The following IL23R variants were observed in gnomAD, a reference collection of about 807,000 sequenced individuals.
The protein encoded by IL23R is interleukin 23 receptor.
Under a neutral mutation model 56.9 loss-of-function variants are expected in IL23R, and 34 were observed. The ratio of observed to expected loss-of-function variants is 0.60; its 90% CI spans 0.45 to 0.80. The LOEUF (loss-of-function observed/expected upper bound fraction) is 0.80, where lower values mean the gene tolerates loss of function less well. Among genes scored for constraint, IL23R ranks in the 30% least tolerant of loss-of-function variants. IL23R has a pLI of 0.00. For missense variants in IL23R, 635 were observed against 730.0 expected, an observed-to-expected ratio of 0.87 and a Z score of 1.50; for synonymous variants, 230 against 249.2, an observed-to-expected ratio of 0.92 and a Z score of 0.73.
intron 3 of IL23R, among the ~76,000 whole-genome samples, chr1:67,181,882 G>A (rs184959203): frequency 2.0e-5 from 3 of 152,320 alleles, no homozygotes; most frequent in African/African-American, 7.2e-5. Context: ...GTCTGTTGGA[G>A]TTTGCTGGAG....
chr1:67,241,814 TAAACC>T (rs1286126727), intron 9 of IL23R, among the ~76,000 whole-genome samples: 1 of 152,160 alleles, frequency 6.6e-6, no homozygotes, highest in Non-Finnish European at 1.5e-5. Context: ...AGGGTCCTCA[TAAACC>T]AAACCAAACC....
chr1:67,228,205 T>TCCTTCCTTCCTCC (rs1275872197), intron 7 of IL23R, among the ~76,000 whole-genome samples: 1 of 142,532 alleles, frequency 7.0e-6, no homozygotes, highest in African/African-American at 2.6e-5. Context: ...CTTCCTCCCT[T>TCCTTCCTTCCTCC]CTTTTTTAGA....
chr1:67,236,988 G>A (rs1460539984), intron 8 of IL23R, among the ~76,000 whole-genome samples, 186 bp downstream of exon 8: 2 of 152,072 alleles, frequency 1.3e-5, no homozygotes, highest in African/African-American at 4.8e-5. Flanking sequence ...AAGTGGCTTA[G>A]GTGGATTTTG....
chr1:67,207,120 C>T (rs1420789614), intron 6 of IL23R, 65 bp downstream of exon 6: 1 of 1,438,464 alleles, frequency 7.0e-7, no homozygotes, highest in South Asian at 1.2e-5. Context: ...CCATCAGTGG[C>T]TACAGTGGAC....
chr1:67,235,490 T>G (rs1651415361), intron 7 of IL23R, among the ~76,000 whole-genome samples: 1 of 151,520 alleles, frequency 6.6e-6, no homozygotes, highest in Non-Finnish European at 1.5e-5. Context: ...ACCTCCCGGG[T>G]TCAAGTGATT....
At chr1:67,213,371 A>G (rs1649627159) in intron 6 of IL23R, among the ~76,000 whole-genome samples, 1 of 152,222 alleles carries the variant, frequency 6.6e-6, no homozygotes, top group African/African-American at 2.4e-5. Flanking sequence ...GGAGCCATGC[A>G]GCAGGGATAG....
chr1:67,219,853 C>A (rs1275395576), intron 7 of IL23R, 123 bp downstream of exon 7: 2 of 937,848 alleles, frequency 2.1e-6, no homozygotes, highest in Non-Finnish European at 1.7e-6. Context: ...ATTGCTTGAG[C>A]CTAGGAGTTT....
chr1:67,154,951 T>C (rs1005459813), intron 1 of IL23R, among the ~76,000 whole-genome samples: 1 of 152,226 alleles, frequency 6.6e-6, no homozygotes, highest in Non-Finnish European at 1.5e-5. Flanking sequence ...CCATATTCAG[T>C]GCTTCCTTCA....
At chr1:67,144,470 C>T (rs571481496) in intron 1 of IL23R, among the ~76,000 whole-genome samples, 2 of 152,160 alleles carry the variant, frequency 1.3e-5, no homozygotes, top group African/African-American at 2.4e-5. Context: ...TCTGTATTCA[C>T]GTCTTGTATT....
chr1:67,259,017 A>T lies in IL23R; in HGVS notation c.1779A>T (p.Glu593Asp), dbSNP rs1233208238. 1 of 1,614,032 alleles carries T rather than the reference A, an allele frequency of 6.2e-7. No homozygotes were observed. Among genetic ancestry groups the T allele is most frequent in the Non-Finnish European group, 8.5e-7 (1 of 1,179,984 alleles). ...TIPEQTLLPD[E>D]FVSCLGIVNE... ...CAGAACAGACCCTGCTTCCTGATGA[A>T]TTTGTCTCCTGTTTGGGGATCGTGA... Residue 593 changes from glutamate (E) to aspartate (D), a missense_variant, in exon 11 of 11, where the codon GAA becomes GAT. Transcript: ENST00000347310.
At chr1:67,220,921 G>A (rs1650198085) in intron 7 of IL23R, among the ~76,000 whole-genome samples, 1 of 152,224 alleles carries the variant, frequency 6.6e-6, no homozygotes, top group African/African-American at 2.4e-5. Context: ...AGGATCACTT[G>A]AACCTGGGAG....
intron 3 of IL23R, among the ~76,000 whole-genome samples, chr1:67,173,098 A>G (rs769213475): frequency 6.6e-6 from 1 of 152,142 alleles, no homozygotes; most frequent in African/African-American, 2.4e-5. Flanking sequence ...AAGAAAGAGC[A>G]AAAACATAAG....
At chr1:67,157,482 A>G (rs551807380) in intron 1 of IL23R, among the ~76,000 whole-genome samples, 23 of 152,266 alleles carry the variant, frequency 1.5e-4, no homozygotes, top group Admixed American at 7.8e-4. Flanking sequence ...GCTTCCCTAC[A>G]CAACTGTCCA....
chr1:67,189,519 G>A (rs1558235484), intron 4 of IL23R, among the ~76,000 whole-genome samples: 1 of 152,158 alleles, frequency 6.6e-6, no homozygotes, highest in Non-Finnish European at 1.5e-5. Flanking sequence ...GATATAAAAG[G>A]TTAGAATAAA....
chr1:67,154,634 G>A (rs531220696), intron 1 of IL23R, among the ~76,000 whole-genome samples: 24 of 150,922 alleles, frequency 1.6e-4, no homozygotes, highest in Middle Eastern at 6.8e-3. Flanking sequence ...TTTGCTTTCC[G>A]TTTGCTTGGT....
At chr1:67,189,011 G>A (rs1647552950) in intron 4 of IL23R, among the ~76,000 whole-genome samples, 1 of 151,918 alleles carries the variant, frequency 6.6e-6, no homozygotes, top group African/African-American at 2.4e-5. Flanking sequence ...TTAATGTAAA[G>A]CCATAAAAAT....
At chr1:67,243,663 T>C (rs1418408533) in intron 9 of IL23R, among the ~76,000 whole-genome samples, 1 of 152,224 alleles carries the variant, frequency 6.6e-6, no homozygotes, top group Non-Finnish European at 1.5e-5. Context: ...GGCTGCATAG[T>C]ATTCAATGAT....
At chr1:67,240,404 TA>T in intron 9 of IL23R, 123 bp downstream of exon 9, 2 of 702,292 alleles carry the variant, frequency 2.8e-6, no homozygotes, top group East Asian at 2.7e-5. Flanking sequence ...TAAAGGAAAA[TA>T]AAAAGAACAA....
chr1:67,180,917 T>G (rs1174356000), intron 3 of IL23R, among the ~76,000 whole-genome samples: 6 of 152,212 alleles, frequency 3.9e-5, no homozygotes, highest in Non-Finnish European at 7.3e-5. Context: ...GAGTTGAAAA[T>G]TCTTTTCTTT....
Sources: allele counts gnomAD v4.1 joint callset (sites outside exome capture counted in the v4.1 genomes callset), GRCh38; gene constraint gnomAD v4.1.1; transcripts MANE v1.5; gene names NCBI Gene and HGNC (gene_info 2026-07-23, HGNC 2026-07-21).